SREK1IP1: variants seen among roughly 807,000 people sequenced by gnomAD.
SREK1IP1 encodes protein SREK1IP1.
Under a neutral mutation model 22.8 loss-of-function variants are expected in SREK1IP1, and 12 were observed. That is an observed-to-expected ratio of 0.53 (90% confidence interval 0.34 to 0.85). SREK1IP1 has a LOEUF of 0.85. SREK1IP1 is among the 40% of genes least tolerant of loss of function. The pLI is 0.02. For synonymous variants in SREK1IP1, 53 were observed against 52.7 expected, an observed-to-expected ratio of 1.01 and a Z score of -0.02; for missense variants, 147 against 171.8, an observed-to-expected ratio of 0.86 and a Z score of 0.81.
chr5:64,748,661 A>G, intron 2 of SREK1IP1, among the ~76,000 whole-genome samples: 1 of 152,206 alleles, frequency 6.6e-6, no homozygotes, highest in East Asian at 1.9e-4. Flanking sequence ...TTGAGGATTT[A>G]CTGAAGCCAG....
intron 1 of SREK1IP1, among the ~76,000 whole-genome samples, chr5:64,758,472 G>A (rs1458136704): frequency 2.0e-5 from 3 of 152,280 alleles, no homozygotes; most frequent in African/African-American, 7.2e-5. Context: ...AAACAAATAT[G>A]TTGTAGCAGA....
intron 2 of SREK1IP1, among the ~76,000 whole-genome samples, chr5:64,753,189 T>G (rs1193347057): frequency 2.0e-5 from 3 of 152,188 alleles, no homozygotes; most frequent in Non-Finnish European, 1.5e-5. Context: ...AGACTGATAT[T>G]AGTAGACAGA....
In SREK1IP1 at chr5:64,768,686, G is replaced by C; in HGVS notation, c.-169C>G. The C allele has an allele frequency of 1.2e-6, 1 of 803,196 alleles. No individual in the cohort carries two copies. The highest frequency in any genetic ancestry group is 2.0e-6 in the Non-Finnish European group (1 of 492,816). 49.8% of individuals were successfully genotyped at this position (803,196 alleles called of 1,614,324 possible). On this transcript the variant is annotated 5_prime_UTR_variant, in exon 1 of 5. Coordinates refer to ENST00000513458, the MANE Select transcript of SREK1IP1 (RefSeq NM_173829.4). Reference sequence around the variant, plus strand: ...TACGCCTCTAGCGACGGCAGAACCAGTAGATGCGGATGCAGTTTCCGGACG... The same window carrying C: ...TACGCCTCTAGCGACGGCAGAACCACTAGATGCGGATGCAGTTTCCGGACG...
rs957879951 is a variant in SREK1IP1, at chr5:64,723,574, T to G, written c.*810A>C. The G allele has an allele frequency of 6.6e-6, 1 of 152,646 alleles. No homozygotes were observed. Among genetic ancestry groups the G allele is most frequent in the African/African-American group, 2.4e-5 (1 of 41,460 alleles). 9.5% of individuals were successfully genotyped at this position (152,646 alleles called of 1,614,324 possible). A position where few individuals can be genotyped will look rare whatever the true frequency, so the allele number is the denominator to read the frequency against. On this transcript the variant is annotated 3_prime_UTR_variant, in exon 5 of 5. Transcript: ENST00000513458. ...AATTTCTGTGTTTGAGGTATCACTG[T>G]AAGACATGCCAATATGGCACATTTG...
rs1742801405 is a variant in SREK1IP1, at chr5:64,754,370, A to G, written c.14-8T>C. ...CACTGTCCTTGTTGCAACCTGAAAT[A>G]CAATTGGATAGAATTTTAGGAAGTA... On this transcript the variant is annotated splice_region_variant and splice_polypyrimidine_tract_variant and intron_variant, in intron 1 of 4. Coordinates refer to ENST00000513458, the MANE Select transcript of SREK1IP1 (RefSeq NM_173829.4). 1 of 1,613,182 alleles carries G rather than the reference A, an allele frequency of 6.2e-7. No homozygotes were observed. Among genetic ancestry groups the G allele is most frequent in the African/African-American group, 1.3e-5 (1 of 74,910 alleles).
chr5:64,736,912 CTTCTT>C lies in SREK1IP1; in HGVS notation c.205+4140_205+4144del, dbSNP rs562737293. ...AGCTTTCCTTTTAGTAGTTGTCTCTCTTCTTTTTTTTTTTTTTTTGGAGTTATAGT... is the reference window on the plus strand; with the variant it reads ...AGCTTTCCTTTTAGTAGTTGTCTCTCTTTTTTTTTTTTTTGGAGTTATAGT... On this transcript the variant is annotated intron_variant, in intron 3 of 4. Coordinates refer to ENST00000513458, the MANE Select transcript of SREK1IP1 (RefSeq NM_173829.4). Among the ~76,000 whole-genome samples, 921 of 142,492 alleles carry C rather than the reference CTTCTT, an allele frequency of 6.5e-3. 2 individuals carry two copies. The highest frequency in any genetic ancestry group is 0.014 in the Admixed American group (172 of 12,630). The allele number at this position is 142,492 out of a possible 152,430, so 93.5% of individuals were successfully genotyped here.
intron 2 of SREK1IP1, among the ~76,000 whole-genome samples, chr5:64,753,589 T>C (rs1451161632): frequency 6.6e-6 from 1 of 152,208 alleles, no homozygotes; most frequent in African/African-American, 2.4e-5. Flanking sequence ...CACATGTTCT[T>C]GCATGAACAT....
intron 2 of SREK1IP1, among the ~76,000 whole-genome samples, chr5:64,750,528 C>G (rs1742723624): frequency 6.6e-6 from 1 of 152,162 alleles, no homozygotes; most frequent in South Asian, 2.1e-4. Flanking sequence ...GTAACAACCA[C>G]CTGTTCATGC....
At chr5:64,745,289 TC>T (rs2112100225) in intron 2 of SREK1IP1, among the ~76,000 whole-genome samples, 1 of 152,242 alleles carries the variant, frequency 6.6e-6, no homozygotes, top group East Asian at 1.9e-4. Context: ...GCCTCTTTGA[TC>T]AGAACTCCTG....
At position 64,746,247 on chromosome 5, in the gene SREK1IP1, A is replaced by G. The variant is rs572511165; in HGVS notation, c.62-5047T>C. ...AAATGGGTCAAATAAAATAAAATAT[A>G]AAACCATAAAGCTCTTAGAAGAAAG... On this transcript the variant is annotated intron_variant, in intron 2 of 4. Coordinates refer to ENST00000513458, the MANE Select transcript of SREK1IP1 (RefSeq NM_173829.4). Among the ~76,000 whole-genome samples the G allele has an allele frequency of 3.9e-5, 6 of 152,336 alleles. No individual in the cohort carries two copies. In the East Asian group the frequency reaches 1.2e-3, roughly 29 times the overall value.
In SREK1IP1 at chr5:64,724,258, C is replaced by A. The variant is rs1363744137; in HGVS notation, c.*126G>T. 5 of 823,844 alleles carry A rather than the reference C, an allele frequency of 6.1e-6. No individual in the cohort carries two copies. Among genetic ancestry groups the A allele is most frequent in the Non-Finnish European group, 9.2e-6 (5 of 541,718 alleles). The allele number at this position is 823,844 out of a possible 1,614,324, so 51.0% of individuals were successfully genotyped here. A position where few individuals can be genotyped will look rare whatever the true frequency, so the allele number is the denominator to read the frequency against. ...GCCAGAGGGATAATGGTCCCAAATA[C>A]GAAAAATGTCTATATGGAAAAGGCT... On this transcript the variant is annotated 3_prime_UTR_variant, in exon 5 of 5. Transcript: ENST00000513458.
chr5:64,733,195 C>G (rs899579725), intron 3 of SREK1IP1, among the ~76,000 whole-genome samples: 11 of 152,064 alleles, frequency 7.2e-5, no homozygotes, highest in South Asian at 2.1e-4. Flanking sequence ...TGGACTTCAT[C>G]AAAATTAAAA....
chr5:64,765,040 C>T (rs1743011487), intron 1 of SREK1IP1: 1 of 152,184 alleles, frequency 6.6e-6, no homozygotes, highest in South Asian at 2.1e-4. Flanking sequence ...ACATCAGTAA[C>T]ATACGTTGCC....
In SREK1IP1 at chr5:64,768,630, C is replaced by G; in HGVS notation, c.-113G>C. On this transcript the variant is annotated 5_prime_UTR_variant, in exon 1 of 5. Coordinates refer to ENST00000513458, the MANE Select transcript of SREK1IP1 (RefSeq NM_173829.4). The stretch of plus-strand genomic sequence containing the variant: ...CGGCGTTTTCCTTCCCCCAGCGCAG[C>G]AGCACCCTCGCTACGGTCGGGAAGG... 6.7e-7 allele frequency: 1 copy of G among 1,492,628 alleles called. No individual in the cohort carries two copies. Among genetic ancestry groups the G allele is most frequent in the South Asian group, 1.2e-5 (1 of 86,532 alleles). 92.5% of individuals were successfully genotyped at this position (1,492,628 alleles called of 1,614,324 possible).
chr5:64,763,692 C>A (rs969980467), intron 1 of SREK1IP1, among the ~76,000 whole-genome samples: 1 of 152,132 alleles, frequency 6.6e-6, no homozygotes, highest in African/African-American at 2.4e-5. Flanking sequence ...AGTAATCAAC[C>A]CTCTAATTAT....
chr5:64,768,444 C>T (rs1743105221), intron 1 of SREK1IP1, 61 bp downstream of exon 1: 3 of 1,612,560 alleles, frequency 1.9e-6, no homozygotes, highest in African/African-American at 1.3e-5. Flanking sequence ...CGCACCCTAC[C>T]CTACCCTCCC....
chr5:64,726,832 GA>G (rs1742276000), intron 4 of SREK1IP1, among the ~76,000 whole-genome samples: 1 of 152,124 alleles, frequency 6.6e-6, no homozygotes, highest in African/African-American at 2.4e-5. Context: ...TCCTGAAAGT[GA>G]AAAATAGAAT....
chr5:64,760,612 G>C (rs981656460), intron 1 of SREK1IP1, among the ~76,000 whole-genome samples: 2 of 152,144 alleles, frequency 1.3e-5, no homozygotes, highest in South Asian at 2.1e-4. Context: ...ACAACAAAGA[G>C]TCAGAGAAGC....
intron 3 of SREK1IP1, 81 bp downstream of exon 3, chr5:64,740,976 A>T: frequency 7.9e-7 from 1 of 1,263,174 alleles, no homozygotes; most frequent in Non-Finnish European, 1.1e-6. Flanking sequence ...AAGAGATCTT[A>T]GTAAGTATAA....
Sources: gnomAD v4.1 joint callset for allele counts (sites outside exome capture counted in the v4.1 genomes callset) on GRCh38, gnomAD v4.1.1 for gene constraint, MANE v1.5 for transcripts, NCBI Gene and HGNC (gene_info 2026-07-23, HGNC 2026-07-21) for gene names.